Variants in KIAA1549 observed in about 807,000 individuals in gnomAD.
The protein encoded by KIAA1549 is KIAA1549.
In KIAA1549, 70 loss-of-function variants were observed where a neutral mutation model predicts 156.4. The observed-to-expected ratio is 0.45, with a 90% CI of 0.37 to 0.55. The LOEUF is 0.55. Ranked by LOEUF, KIAA1549 falls within the 20% of genes least tolerant of loss-of-function variation. KIAA1549 has a pLI of 0.00. For missense variants in KIAA1549, 2,428 were observed against 2,540.9 expected (o/e 0.96, Z 0.96); for synonymous variants, 1,103 against 1,066.4 (o/e 1.03, Z -0.67).
At chr7:138,871,092 C>T in intron 13 of KIAA1549, 65 bp downstream of exon 13, 1 of 1,485,808 alleles carries the variant, frequency 6.7e-7, no homozygotes, top group Admixed American at 1.9e-5. Context: ...GCTGGGATTA[C>T]AGGCATAAGC....
Position 138,913,300 on chromosome 7 carries a change from G to A in KIAA1549, c.2879-840C>T, listed in dbSNP as rs372795860. Among the ~76,000 whole-genome samples the A allele has an allele frequency of 3.9e-5, 6 of 152,190 alleles. No individual in the cohort carries two copies. In the East Asian group the frequency reaches 1.2e-3, roughly 29 times the overall value. On this transcript the variant is annotated intron_variant, in intron 2 of 19. Coordinates refer to ENST00000422774, the MANE Select transcript of KIAA1549 (RefSeq NM_001164665.2). Reference sequence around the variant, plus strand: ...GTGAAGAGTTTTTACCACTAATCATGGGGAAAAACGAATTCCACAATTCCC... The same window carrying A: ...GTGAAGAGTTTTTACCACTAATCATAGGGAAAAACGAATTCCACAATTCCC...
At chr7:138,847,970 T>G (rs907382106) in intron 17 of KIAA1549, among the ~76,000 whole-genome samples, 10 of 152,248 alleles carry the variant, frequency 6.6e-5, no homozygotes, top group African/African-American at 2.4e-4. Context: ...TTGAAATTTT[T>G]TTCTTTTCTG....
chr7:138,839,812 C>T (rs1396905537), intron 19 of KIAA1549, among the ~76,000 whole-genome samples: 6 of 78,508 alleles, frequency 7.6e-5, no homozygotes, highest in African/African-American at 2.4e-4. Context: ...TTTTTTGAGA[C>T]AGTCTCACTC....
rs771271903 is a variant in KIAA1549, at chr7:138,912,446, C to T, written c.2893G>A (p.Ala965Thr). 2 of 1,613,656 alleles carry T rather than the reference C, an allele frequency of 1.2e-6. No homozygotes were observed. Among genetic ancestry groups the T allele is most frequent in the Non-Finnish European group, 1.7e-6 (2 of 1,179,758 alleles). The change falls in exon 3 of 20, where the codon GCT (alanine) becomes ACT (threonine). Residue 965 changes from alanine to threonine, a missense_variant. By Grantham distance (58) the Ala-to-Thr change is moderately conservative (BLOSUM62 0). Coordinates refer to ENST00000422774, the MANE Select transcript of KIAA1549 (RefSeq NM_001164665.2). ...YLITTVLARR[A>T]VQEYIITAIK... is the part of the protein sequence containing the mutation. ...GCTGTAATGATGTACTCCTGCACAGCTCTTCTGGCCAGCACTGCAAATGAA... is the reference window on the plus strand; with the variant it reads ...GCTGTAATGATGTACTCCTGCACAGTTCTTCTGGCCAGCACTGCAAATGAA...
chr7:138,955,470 G>A (rs1322810752), intron 1 of KIAA1549, among the ~76,000 whole-genome samples: 13 of 152,286 alleles, frequency 8.5e-5, no homozygotes, highest in Admixed American at 6.5e-4. Context: ...AGGGGATAGG[G>A]GAGAGGGGAA....
In KIAA1549 at chr7:138,918,093, C is replaced by T. The variant is rs1812405474; in HGVS notation, c.1533G>A (p.Val511=). The change falls in exon 2 of 20, where the codon GTG becomes GTA. Residue 511 remains valine, a synonymous_variant. Coordinates refer to ENST00000422774, the MANE Select transcript of KIAA1549 (RefSeq NM_001164665.2). The surrounding 1 kb of genome is among the most constrained non-coding windows in gnomAD (Gnocchi z 4.2). ...SETSVGISAE[V]DMSSVTTTQV... is the part of the protein sequence containing the mutation. ...GTGTGGTTGTAACACTACTCATATC[C>T]ACCTCGGCAGAAATGCCAACACTCG... 1 of 1,613,866 alleles carries T rather than the reference C, an allele frequency of 6.2e-7. No homozygotes were observed. Among genetic ancestry groups the T allele is most frequent in the African/African-American group, 1.3e-5 (1 of 75,054 alleles).
In KIAA1549 at chr7:138,834,019, C is replaced by T. The variant is rs959947265; in HGVS notation, c.*3887G>A. The T allele has an allele frequency of 4.3e-6, 1 of 230,768 alleles. No homozygotes were observed. The highest frequency in any genetic ancestry group is 8.6e-6 in the Non-Finnish European group (1 of 116,532). 14.3% of individuals were successfully genotyped at this position (230,768 alleles called of 1,614,324 possible). On this transcript the variant is annotated 3_prime_UTR_variant, in exon 20 of 20. Coordinates refer to ENST00000422774, the MANE Select transcript of KIAA1549 (RefSeq NM_001164665.2). The stretch of plus-strand genomic sequence containing the variant: ...TTCCCTACAGCCTTTCCCAGGCCCA[C>T]TCTCAGCTCTTCCTTCCACGCCATT...
chr7:138,870,975 G>C (rs1810912062), intron 13 of KIAA1549, among the ~76,000 whole-genome samples, 182 bp downstream of exon 13: 1 of 151,990 alleles, frequency 6.6e-6, no homozygotes. Flanking sequence ...CCGCCACCAC[G>C]CCCAGCTAAT....
In KIAA1549 at chr7:138,837,621, T is replaced by C; in HGVS notation, c.*285A>G. On this transcript the variant is annotated 3_prime_UTR_variant, in exon 20 of 20. Coordinates refer to ENST00000422774, the MANE Select transcript of KIAA1549 (RefSeq NM_001164665.2). ...TAAAAAAGAGACGAATGCAGTCATT[T>C]TGTTAGCTTAGGTTTGTGTTTTGTT... 1.9e-6 allele frequency: 1 copy of C among 540,046 alleles called. No homozygotes were observed. Among genetic ancestry groups the C allele is most frequent in the South Asian group, 3.0e-5 (1 of 33,466 alleles). The allele number at this position is 540,046 out of a possible 1,614,324, so 33.5% of individuals were successfully genotyped here. A position where few individuals can be genotyped will look rare whatever the true frequency, so the allele number is the denominator to read the frequency against.
At chr7:138,927,616 A>G (rs112018239) in intron 1 of KIAA1549, among the ~76,000 whole-genome samples, 6,706 of 152,350 alleles carry the variant, frequency 0.044, 214 homozygotes, top group African/African-American at 0.075. Context: ...CCAGCCTGGC[A>G]ATACAGCAAG....
At chr7:138,925,028 TC>T (rs1237488041) in intron 1 of KIAA1549, among the ~76,000 whole-genome samples, 7 of 152,062 alleles carry the variant, frequency 4.6e-5, no homozygotes, top group Non-Finnish European at 1.0e-4. Context: ...AGGCCTTTTC[TC>T]CATTTAGGCA....
At position 138,927,496 on chromosome 7, in the gene KIAA1549, C is replaced by T. The variant is rs144951431; in HGVS notation, c.188-8058G>A. ...CTACTAAAAATACAAAAATTAGCTG[C>T]GTGTGGTGGCGCATGCCAGTAGTTC... On this transcript the variant is annotated intron_variant, in intron 1 of 19. Coordinates refer to ENST00000422774, the MANE Select transcript of KIAA1549 (RefSeq NM_001164665.2). Among the ~76,000 whole-genome samples, 641 of 152,266 alleles carry T rather than the reference C, an allele frequency of 4.2e-3. 4 individuals carry two copies. The highest frequency in any genetic ancestry group is 0.015 in the African/African-American group (604 of 41,566).
chr7:138,941,842 G>A (rs894410198), intron 1 of KIAA1549, among the ~76,000 whole-genome samples: 4 of 152,192 alleles, frequency 2.6e-5, no homozygotes, highest in Non-Finnish European at 5.9e-5. Flanking sequence ...AACCTTCAGG[G>A]ACCAGTAAGA....
At chr7:138,950,023 A>G (rs1192771402) in intron 1 of KIAA1549, among the ~76,000 whole-genome samples, 1 of 152,222 alleles carries the variant, frequency 6.6e-6, no homozygotes, top group Non-Finnish European at 1.5e-5. Context: ...CCATGAGCTA[A>G]CACTTCGTGG....
intron 10 of KIAA1549, among the ~76,000 whole-genome samples, chr7:138,893,367 C>G (rs1170188437): frequency 1.3e-5 from 2 of 150,852 alleles, no homozygotes; most frequent in Non-Finnish European, 3.0e-5. Context: ...TTGCTCTTCT[C>G]TAAGATAGGG....
chr7:138,892,516 A>G (rs1426824932), intron 10 of KIAA1549, among the ~76,000 whole-genome samples: 1 of 152,222 alleles, frequency 6.6e-6, no homozygotes, highest in East Asian at 1.9e-4. Flanking sequence ...CTTTTTTTCC[A>G]GGTTTCCCCA....
In KIAA1549 at chr7:138,832,016, C is replaced by T. The variant is rs966838317; in HGVS notation, c.*5890G>A. 8.6e-6 allele frequency: 2 copies of T among 231,408 alleles called. No homozygotes were observed. Among genetic ancestry groups the T allele is most frequent in the Non-Finnish European group, 1.7e-5 (2 of 116,996 alleles). The allele number at this position is 231,408 out of a possible 1,614,324, so 14.3% of individuals were successfully genotyped here. A position where few individuals can be genotyped will look rare whatever the true frequency, so the allele number is the denominator to read the frequency against. On this transcript the variant is annotated 3_prime_UTR_variant, in exon 20 of 20. Coordinates refer to ENST00000422774, the MANE Select transcript of KIAA1549 (RefSeq NM_001164665.2). Reference sequence around the variant, plus strand: ...CAGCATATGCGACTTGAACTTGGCCCTGTACTATTCCCAACTTGTACACTT... The same window carrying T: ...CAGCATATGCGACTTGAACTTGGCCTTGTACTATTCCCAACTTGTACACTT...
intron 1 of KIAA1549, among the ~76,000 whole-genome samples, chr7:138,961,434 G>A (rs1048609093): frequency 1.3e-5 from 2 of 152,044 alleles, no homozygotes; most frequent in South Asian, 2.1e-4. Context: ...CTTTGGGATC[G>A]GCCCCATGAT....
chr7:138,915,877 C>T (rs571395726), intron 2 of KIAA1549, among the ~76,000 whole-genome samples: 21 of 152,314 alleles, frequency 1.4e-4, no homozygotes, highest in African/African-American at 4.6e-4. Flanking sequence ...CCTGACCAAG[C>T]GGGCCACCGT....
Sources: gnomAD v4.1 joint callset for allele counts (sites outside exome capture counted in the v4.1 genomes callset) on GRCh38, gnomAD v4.1.1 for gene constraint, Gnocchi (gnomAD v3.1) non-coding constraint, MANE v1.5 for transcripts, NCBI Gene and HGNC (gene_info 2026-07-23, HGNC 2026-07-21) for gene names.